KCNH5: variants seen among roughly 807,000 people sequenced by gnomAD.
KCNH5 encodes voltage-gated delayed rectifier potassium channel KCNH5.
A neutral mutation model predicts 96.1 loss-of-function variants in KCNH5; 46 were observed. That is an observed-to-expected ratio of 0.48 (90% confidence interval 0.38 to 0.61). KCNH5 has a LOEUF of 0.61. Ranked by LOEUF, KCNH5 falls within the 20% of genes least tolerant of loss-of-function variation. The probability of loss-of-function intolerance (pLI) is 0.00; values close to 1 mark genes in which losing one functional copy is unlikely to be tolerated. For synonymous variants in KCNH5, 439 were observed against 449.8 expected (o/e 0.98, Z 0.30); for missense variants, 907 against 1,225.8 (o/e 0.74, Z 3.88).
intron 7 of KCNH5, among the ~76,000 whole-genome samples, chr14:62,896,203 C>T (rs551102139): frequency 1.8e-4 from 27 of 152,270 alleles, no homozygotes; most frequent in African/African-American, 6.3e-4. Context: ...CAAGCAAATC[C>T]TTCTTTCTAT....
chr14:62,975,647 A>G (rs905910982), intron 6 of KCNH5, among the ~76,000 whole-genome samples: 2 of 152,162 alleles, frequency 1.3e-5, no homozygotes, highest in Non-Finnish European at 2.9e-5. Flanking sequence ...TGATGTTAAA[A>G]ATGTAAGAGT....
chr14:62,851,588 G>T (rs1187417360), intron 7 of KCNH5, among the ~76,000 whole-genome samples: 1 of 150,266 alleles, frequency 6.7e-6, no homozygotes, highest in Admixed American at 6.6e-5. Context: ...CAGAAATAAG[G>T]TTAACAAATT....
intron 1 of KCNH5, among the ~76,000 whole-genome samples, chr14:63,025,029 A>G (rs1160266690): frequency 6.6e-6 from 1 of 152,152 alleles, no homozygotes. Context: ...TAGAAGGATA[A>G]TTCACCATGA....
chr14:63,028,563 T>A (rs1426575370), intron 1 of KCNH5, among the ~76,000 whole-genome samples: 1 of 152,138 alleles, frequency 6.6e-6, no homozygotes, highest in African/African-American at 2.4e-5. Context: ...TTGGCTGAAA[T>A]AATTGCAAAT....
intron 7 of KCNH5, among the ~76,000 whole-genome samples, chr14:62,895,207 AT>A (rs961523006): frequency 1.3e-5 from 2 of 152,058 alleles, no homozygotes; most frequent in African/African-American, 4.8e-5. Context: ...TTCTTTGTTA[AT>A]TTTTTTATGC....
At chr14:62,725,196 T>G (rs996565663) in intron 10 of KCNH5, among the ~76,000 whole-genome samples, 4 of 152,218 alleles carry the variant, frequency 2.6e-5, no homozygotes, top group Non-Finnish European at 5.9e-5. Flanking sequence ...ACTATACAAT[T>G]TATCCACGTA....
chr14:62,865,962 A>G (rs1888127296), intron 7 of KCNH5, among the ~76,000 whole-genome samples: 1 of 152,188 alleles, frequency 6.6e-6, no homozygotes, highest in African/African-American at 2.4e-5. Flanking sequence ...TCATCAATTG[A>G]TTATCATATA....
At chr14:62,828,219 G>A (rs1450439732) in intron 8 of KCNH5, among the ~76,000 whole-genome samples, 1 of 151,796 alleles carries the variant, frequency 6.6e-6, no homozygotes, top group Non-Finnish European at 1.5e-5. Flanking sequence ...TTTAATCTGT[G>A]TATTATATTA....
chr14:62,938,789 A>G (rs1026207983), intron 7 of KCNH5, among the ~76,000 whole-genome samples: 2 of 152,220 alleles, frequency 1.3e-5, no homozygotes, highest in African/African-American at 4.8e-5. Flanking sequence ...AGTAAATAAA[A>G]TTCTCCTCTG....
At position 62,700,500 on chromosome 14, in the gene KCNH5, T is replaced by C. The variant is rs1238539371; in HGVS notation, c.*7008A>G. ...TGATAAAGGGTCATAAGAATAGCAA[T>C]GTGAAAACATCCCTGCAGAGGTCAA... On this transcript the variant is annotated 3_prime_UTR_variant, in exon 11 of 11. Coordinates refer to ENST00000322893, the MANE Select transcript of KCNH5 (RefSeq NM_139318.5). The C allele has an allele frequency of 6.6e-6, 1 of 152,152 alleles. No individual in the cohort carries two copies. Among genetic ancestry groups the C allele is most frequent in the Non-Finnish European group, 1.5e-5 (1 of 68,010 alleles). 9.4% of individuals were successfully genotyped at this position (152,152 alleles called of 1,614,324 possible).
intron 1 of KCNH5, among the ~76,000 whole-genome samples, chr14:63,044,412 T>C (rs1891883393): frequency 6.6e-6 from 1 of 152,238 alleles, no homozygotes; most frequent in Non-Finnish European, 1.5e-5. Flanking sequence ...TTTGATTTTT[T>C]TCTAGTTGCA....
chr14:62,722,739 A>C (rs1029859124), intron 10 of KCNH5, among the ~76,000 whole-genome samples: 4 of 152,160 alleles, frequency 2.6e-5, no homozygotes, highest in Non-Finnish European at 5.9e-5. Flanking sequence ...CACTTTATAA[A>C]GCTCTTCCAT....
intron 10 of KCNH5, among the ~76,000 whole-genome samples, chr14:62,748,494 T>TA (rs1170293352): frequency 6.6e-6 from 1 of 152,162 alleles, no homozygotes; most frequent in African/African-American, 2.4e-5. Context: ...CAGCAAGTCA[T>TA]GGCCCCATTT....
At chr14:62,990,920 T>C (rs1890797068) in intron 4 of KCNH5, among the ~76,000 whole-genome samples, 1 of 152,042 alleles carries the variant, frequency 6.6e-6, no homozygotes, top group Non-Finnish European at 1.5e-5. Flanking sequence ...AATCCCCTTA[T>C]AAAACCATCA....
intron 7 of KCNH5, among the ~76,000 whole-genome samples, chr14:62,905,938 T>C (rs1205476860): frequency 6.6e-6 from 1 of 152,234 alleles, no homozygotes; most frequent in Non-Finnish European, 1.5e-5. Flanking sequence ...GTGGCAGTGC[T>C]GTCTCCTACT....
intron 7 of KCNH5, among the ~76,000 whole-genome samples, chr14:62,892,410 T>A (rs956867920): frequency 1.2e-4 from 18 of 152,156 alleles, no homozygotes; most frequent in Non-Finnish European, 2.4e-4. Flanking sequence ...CTACCAGAGA[T>A]TGGTCCAGAG....
In KCNH5 at chr14:63,037,413, G is replaced by T. The variant is rs2139630584; in HGVS notation, c.73+7701C>A. Among the ~76,000 whole-genome samples, 6 of 152,240 alleles carry T rather than the reference G, an allele frequency of 3.9e-5. No individual in the cohort carries two copies. In the South Asian group the frequency reaches 1.2e-3, roughly 32 times the overall value. On this transcript the variant is annotated intron_variant, in intron 1 of 10. Transcript: ENST00000322893. The stretch of plus-strand genomic sequence containing the variant: ...GCACATAGTAGGTACTCAATAAAAT[G>T]GTGTTGCATTAATGGATAATTAACT...
intron 7 of KCNH5, among the ~76,000 whole-genome samples, chr14:62,938,092 T>G (rs1026869228): frequency 2.6e-5 from 4 of 152,172 alleles, no homozygotes; most frequent in Non-Finnish European, 2.9e-5. Context: ...TTAAATGTCT[T>G]TCCCTTACAG....
At position 62,948,689 on chromosome 14, in the gene KCNH5, G is replaced by A. The variant is rs552209818; in HGVS notation, c.1369+1444C>T. 6.0e-5 allele frequency among the ~76,000 whole-genome samples: 9 copies of A among 151,222 alleles called. No individual in the cohort carries two copies. In the East Asian group the frequency reaches 9.7e-4, roughly 16 times the overall value. ...CCAGCATCATTCTGATACCAAAGCC[G>A]GGCAGAGACATAACAAAAAAAGAGA... On this transcript the variant is annotated intron_variant, in intron 7 of 10. Transcript: ENST00000322893.
Sources: gnomAD v4.1 joint callset for allele counts (sites outside exome capture counted in the v4.1 genomes callset) on GRCh38, gnomAD v4.1.1 for gene constraint, MANE v1.5 for transcripts, NCBI Gene and HGNC (gene_info 2026-07-23, HGNC 2026-07-21) for gene names.